TMED8: variants seen among roughly 807,000 people sequenced by gnomAD.
The protein encoded by TMED8 is transmembrane p24 trafficking protein family member 8.
Under a neutral mutation model 32.7 loss-of-function variants are expected in TMED8, and 15 were observed. The ratio of observed to expected loss-of-function variants is 0.46; its 90% CI spans 0.31 to 0.71. The LOEUF is 0.71. TMED8 is among the 30% of genes least tolerant of loss of function. The pLI is 0.06. For missense variants in TMED8, 390 were observed against 423.9 expected (o/e 0.92, Z 0.70); for synonymous variants, 147 against 161.4 (o/e 0.91, Z 0.68).
intron 1 of TMED8, among the ~76,000 whole-genome samples, chr14:77,373,074 T>G (rs531847422): frequency 6.8e-6 from 1 of 146,170 alleles, no homozygotes; most frequent in South Asian, 2.2e-4. Context: ...CAAGTGATTC[T>G]CCTGCCTCAG....
chr14:77,356,958 G>A (rs752271697), intron 1 of TMED8, among the ~76,000 whole-genome samples: 3 of 152,100 alleles, frequency 2.0e-5, no homozygotes, highest in Non-Finnish European at 2.9e-5. Context: ...CCTATAAACC[G>A]GTCATAGATG....
rs915431668 is a variant in TMED8, at chr14:77,376,861, G to A, written c.118+75C>T. On this transcript the variant is annotated intron_variant, in intron 1 of 5. Coordinates refer to ENST00000216468, the MANE Select transcript of TMED8 (RefSeq NM_213601.3). This position sits in a 1 kb window ranked among gnomAD's most constrained non-coding sequence, Gnocchi z 4.0. ...CGCGGGGAAGCCCAGGACAGAGCGC[G>A]GCGGAGGCTCGCGCCGTGGTGCGGG... The A allele has an allele frequency of 3.6e-5, 35 of 977,546 alleles. No homozygotes were observed. Among genetic ancestry groups the A allele is most frequent in the Middle Eastern group, 3.6e-4 (1 of 2,810 alleles). 60.6% of individuals were successfully genotyped at this position (977,546 alleles called of 1,614,324 possible).
intron 1 of TMED8, among the ~76,000 whole-genome samples, chr14:77,352,584 T>C (rs1302879759): frequency 6.7e-6 from 1 of 148,980 alleles, no homozygotes; most frequent in Non-Finnish European, 1.5e-5. Context: ...ACTAAAAATA[T>C]AAAAATTAGC....
chr14:77,372,905 A>AT lies in TMED8; in HGVS notation c.118+4030dup, dbSNP rs201558897. On this transcript the variant is annotated intron_variant, in intron 1 of 5. Transcript: ENST00000216468. ...CATGCACATTGAAATAGCCACAGATATTATATATATATATATATATATATA... is the reference window on the plus strand; with the variant it reads ...CATGCACATTGAAATAGCCACAGATATTTATATATATATATATATATATATA... Among the ~76,000 whole-genome samples, 317 of 36,258 alleles carry AT rather than the reference A, an allele frequency of 8.7e-3. 11 individuals are homozygous for AT. The highest frequency in any genetic ancestry group is 0.024 in the Middle Eastern group (2 of 84). The allele number at this position is 36,258 out of a possible 152,430, so 23.8% of individuals were successfully genotyped here. A position where few individuals can be genotyped will look rare whatever the true frequency, so the allele number is the denominator to read the frequency against.
chr14:77,340,618 G>C lies in TMED8; in HGVS notation c.*1153C>G, dbSNP rs1016201626. On this transcript the variant is annotated 3_prime_UTR_variant, in exon 6 of 6. Coordinates refer to ENST00000216468, the MANE Select transcript of TMED8 (RefSeq NM_213601.3). Reference sequence around the variant, plus strand: ...ACTCCTGAGCCTCAGGGGTGACACAGTAGGAAATGCTGTCACCAGGGAAAT... The same window carrying C: ...ACTCCTGAGCCTCAGGGGTGACACACTAGGAAATGCTGTCACCAGGGAAAT... 4 of 152,206 alleles carry C rather than the reference G, an allele frequency of 2.6e-5. No homozygotes were observed. The highest frequency in any genetic ancestry group is 5.9e-5 in the Non-Finnish European group (4 of 68,036). The allele number at this position is 152,206 out of a possible 1,614,324, so 9.4% of individuals were successfully genotyped here.
intron 1 of TMED8, among the ~76,000 whole-genome samples, chr14:77,363,117 C>T (rs1381919122): frequency 2.0e-5 from 3 of 152,140 alleles, no homozygotes; most frequent in African/African-American, 7.2e-5. Context: ...ACACTTAGGA[C>T]CAAATGGGCC....
chr14:77,344,960 C>G (rs1892990471), intron 3 of TMED8, among the ~76,000 whole-genome samples: 2 of 152,154 alleles, frequency 1.3e-5, no homozygotes, highest in Non-Finnish European at 2.9e-5. Flanking sequence ...AAGTCTCTAA[C>G]AGCCCTCAGC....
chr14:77,371,367 A>T (rs1467361367), intron 1 of TMED8, among the ~76,000 whole-genome samples: 2 of 152,218 alleles, frequency 1.3e-5, no homozygotes, highest in East Asian at 3.8e-4. Flanking sequence ...CAATTCCCTT[A>T]TTATGATTTA....
chr14:77,335,047 A>G lies in TMED8; in HGVS notation c.*6724T>C, dbSNP rs1306740784. 6.6e-6 allele frequency: 1 copy of G among 152,228 alleles called. No individual in the cohort carries two copies. Among genetic ancestry groups the G allele is most frequent in the Non-Finnish European group, 1.5e-5 (1 of 68,034 alleles). 9.4% of individuals were successfully genotyped at this position (152,228 alleles called of 1,614,324 possible). On this transcript the variant is annotated 3_prime_UTR_variant, in exon 6 of 6. Coordinates refer to ENST00000216468, the MANE Select transcript of TMED8 (RefSeq NM_213601.3). Reference sequence around the variant, plus strand: ...TACCAGGTGCATAGTGAAAAAGTTTATTTATGACAGATTCGAAAACTCAGA... The same window carrying G: ...TACCAGGTGCATAGTGAAAAAGTTTGTTTATGACAGATTCGAAAACTCAGA...
chr14:77,355,274 C>G (rs1230432886), intron 1 of TMED8, among the ~76,000 whole-genome samples: 3 of 150,982 alleles, frequency 2.0e-5, no homozygotes, highest in African/African-American at 7.3e-5. Context: ...CAGCTCACTG[C>G]AACCTCTGTC....
intron 1 of TMED8, among the ~76,000 whole-genome samples, chr14:77,354,494 G>A (rs1893248244): frequency 6.6e-6 from 1 of 152,078 alleles, no homozygotes; most frequent in African/African-American, 2.4e-5. Context: ...AAAACATTTT[G>A]CATCTACCCT....
At position 77,376,850 on chromosome 14, in the gene TMED8, G is replaced by A; in HGVS notation, c.118+86C>T. On this transcript the variant is annotated intron_variant, in intron 1 of 5. Coordinates refer to ENST00000216468, the MANE Select transcript of TMED8 (RefSeq NM_213601.3). The surrounding 1 kb of genome is among the most constrained non-coding windows in gnomAD (Gnocchi z 4.0). ...TGGGTCCGCTCCGCGGGGAAGCCCAGGACAGAGCGCGGCGGAGGCTCGCGC... is the reference window on the plus strand; with the variant it reads ...TGGGTCCGCTCCGCGGGGAAGCCCAAGACAGAGCGCGGCGGAGGCTCGCGC... 2 of 907,752 alleles carry A rather than the reference G, an allele frequency of 2.2e-6. No homozygotes were observed. The highest frequency in any genetic ancestry group is 1.5e-6 in the Non-Finnish European group (1 of 665,300). 56.2% of individuals were successfully genotyped at this position (907,752 alleles called of 1,614,324 possible). A position where few individuals can be genotyped will look rare whatever the true frequency, so the allele number is the denominator to read the frequency against.
intron 5 of TMED8, 91 bp from the exon 6 acceptor site, chr14:77,342,079 G>C (rs1041115505): frequency 7.5e-6 from 8 of 1,062,740 alleles, no homozygotes; most frequent in African/African-American, 6.3e-5. Flanking sequence ...GGCTTTCACA[G>C]AGCGGGGAGA....
Position 77,341,867 on chromosome 14 carries a change from G to A in TMED8, c.882C>T (p.Asp294=). 6.2e-7 allele frequency: 1 copy of A among 1,613,928 alleles called. No homozygotes were observed. Among genetic ancestry groups the A allele is most frequent in the Non-Finnish European group, 8.5e-7 (1 of 1,180,008 alleles). ...GCAGGTAGATGCCCTCACCAGGGTAGTCATGGCTGCCAGCCTGCACGTCTC... is the reference window on the plus strand; with the variant it reads ...GCAGGTAGATGCCCTCACCAGGGTAATCATGGCTGCCAGCCTGCACGTCTC... ...SHRDVQAGSH[D]YPGEGIYLLK... is the part of the protein sequence containing the mutation. Residue 294 remains aspartate, a synonymous_variant, in exon 6 of 6, where the codon GAC becomes GAT. Coordinates refer to ENST00000216468, the MANE Select transcript of TMED8 (RefSeq NM_213601.3).
chr14:77,352,159 TG>T (rs1893195383), intron 1 of TMED8, among the ~76,000 whole-genome samples: 1 of 151,562 alleles, frequency 6.6e-6, no homozygotes, highest in Non-Finnish European at 1.5e-5. Flanking sequence ...CCAGATGCAG[TG>T]GTTCATGCCT....
chr14:77,345,962 C>T (rs1335905602), intron 3 of TMED8, among the ~76,000 whole-genome samples: 8 of 115,160 alleles, frequency 6.9e-5, no homozygotes, highest in East Asian at 3.1e-4. Flanking sequence ...GAGGGAGACC[C>T]TGTCTCAAAA....
At position 77,346,376 on chromosome 14, in the gene TMED8, A is replaced by C; in HGVS notation, c.300T>G (p.Pro100=). The change falls in exon 3 of 6, where the codon CCT becomes CCG. Residue 100 remains proline (P), a synonymous_variant. Transcript: ENST00000216468. The part of the protein sequence containing the change: ...AQALVKQDLL[P]ADQAQVLNEM... The stretch of plus-strand genomic sequence containing the variant: ...CATTGAGGACCTGGGCCTGGTCTGC[A>C]GGCAGCAAATCCTGTTTCACCAAGG... 6.2e-7 allele frequency: 1 copy of C among 1,614,174 alleles called. No homozygotes were observed. Among genetic ancestry groups the C allele is most frequent in the South Asian group, 1.1e-5 (1 of 91,082 alleles).
intron 1 of TMED8, among the ~76,000 whole-genome samples, chr14:77,374,282 G>A (rs149168446): frequency 2.0e-5 from 3 of 152,304 alleles, no homozygotes; most frequent in African/African-American, 4.8e-5. Flanking sequence ...TGGGGTTTAC[G>A]CCCAAGCCTC....
intron 1 of TMED8, among the ~76,000 whole-genome samples, chr14:77,353,457 G>A (rs61990318): frequency 8.5e-6 from 1 of 117,644 alleles, no homozygotes. Flanking sequence ...TTTTTTTTTG[G>A]AGGGGGACAG....
Sources: gnomAD v4.1 joint callset for allele counts (sites outside exome capture counted in the v4.1 genomes callset) on GRCh38, gnomAD v4.1.1 for gene constraint, Gnocchi (gnomAD v3.1) non-coding constraint, MANE v1.5 for transcripts, NCBI Gene and HGNC (gene_info 2026-07-23, HGNC 2026-07-21) for gene names.